Variants in BCL2 observed in about 807,000 individuals in gnomAD.
BCL2 encodes the protein apoptosis regulator Bcl-2.
A neutral mutation model predicts 14.2 loss-of-function variants in BCL2; 1 was observed. The observed-to-expected ratio is 0.07, with a 90% CI of 0.02 to 0.33. The LOEUF (loss-of-function observed/expected upper bound fraction) is 0.33, where lower values mean the gene tolerates loss of function less well. BCL2 is among the 10% of genes least tolerant of loss of function. The probability of loss-of-function intolerance (pLI) is 0.99; values close to 1 mark genes in which losing one functional copy is unlikely to be tolerated. For missense variants in BCL2, 247 were observed against 305.9 expected (o/e 0.81, Z 1.44); for synonymous variants, 151 against 137.2 (o/e 1.10, Z -0.70).
At position 63,239,069 on chromosome 18, in the gene BCL2, A is replaced by T. The variant is rs78237788; in HGVS notation, c.585+79013T>A. 6.9e-3 allele frequency among the ~76,000 whole-genome samples: 1,057 copies of T among 152,268 alleles called. 15 individuals carry two copies. Among genetic ancestry groups the T allele is most frequent in the African/African-American group, 0.024 (1,008 of 41,546 alleles). ...CTTCCTATAACATTTAAATTACCTG[A>T]TTGGGGGTCCAATATTATGTTCCTT... On this transcript the variant is annotated intron_variant, in intron 2 of 2. Coordinates refer to ENST00000333681, the MANE Select transcript of BCL2 (RefSeq NM_000633.3).
chr18:63,161,021 G>T (rs1914908147), intron 2 of BCL2, among the ~76,000 whole-genome samples: 1 of 152,132 alleles, frequency 6.6e-6, no homozygotes, highest in African/African-American at 2.4e-5. Context: ...AAAACATTAT[G>T]CAGGAAGGAG....
At chr18:63,146,260 G>A (rs4987819) in intron 2 of BCL2, among the ~76,000 whole-genome samples, 7 of 152,180 alleles carry the variant, frequency 4.6e-5, no homozygotes, top group African/African-American at 7.2e-5. Context: ...AGTGTTGGCC[G>A]AGTGAAACAA....
At chr18:63,273,595 C>T (rs1239656329) in intron 2 of BCL2, among the ~76,000 whole-genome samples, 1 of 152,156 alleles carries the variant, frequency 6.6e-6, no homozygotes, top group African/African-American at 2.4e-5. Context: ...GCTGTACAAC[C>T]CTTGGCAGTC....
chr18:63,198,669 CAA>C (rs1323311917), intron 2 of BCL2, among the ~76,000 whole-genome samples: 13 of 138,792 alleles, frequency 9.4e-5, no homozygotes, highest in Non-Finnish European at 1.8e-4. Flanking sequence ...CACACAGACA[CAA>C]AGACACAACA....
chr18:63,174,377 TG>T, intron 2 of BCL2, among the ~76,000 whole-genome samples: 1 of 152,122 alleles, frequency 6.6e-6, no homozygotes, highest in Middle Eastern at 3.4e-3. Context: ...CTTTTATTGT[TG>T]TTTTTTTTTT....
intron 2 of BCL2, among the ~76,000 whole-genome samples, chr18:63,270,265 A>G (rs1275870660): frequency 1.3e-5 from 2 of 152,230 alleles, no homozygotes; most frequent in Non-Finnish European, 2.9e-5. Context: ...AGAGATATAC[A>G]AAATAATGTG....
At chr18:63,303,986 G>A (rs1342462753) in intron 2 of BCL2, among the ~76,000 whole-genome samples, 1 of 152,006 alleles carries the variant, frequency 6.6e-6, no homozygotes, top group African/African-American at 2.4e-5. Flanking sequence ...TATTTTTAAG[G>A]TACAACACTG....
chr18:63,155,700 G>A (rs967121571), intron 2 of BCL2, among the ~76,000 whole-genome samples: 13 of 152,242 alleles, frequency 8.5e-5, no homozygotes, highest in African/African-American at 3.1e-4. Flanking sequence ...GCGACCAGGA[G>A]CAGGTGGTGG....
chr18:63,298,692 C>G (rs540946946), intron 2 of BCL2, among the ~76,000 whole-genome samples: 1 of 152,296 alleles, frequency 6.6e-6, no homozygotes, highest in African/African-American at 2.4e-5. Flanking sequence ...GACTATTCCC[C>G]AGAGAAATTC....
At chr18:63,155,749 C>T (rs1914763695) in intron 2 of BCL2, among the ~76,000 whole-genome samples, 1 of 152,170 alleles carries the variant, frequency 6.6e-6, no homozygotes, top group East Asian at 1.9e-4. Context: ...GGCCAGATGC[C>T]AGGCACTCTG....
At chr18:63,272,967 A>G (rs1300655587) in intron 2 of BCL2, among the ~76,000 whole-genome samples, 2 of 150,240 alleles carry the variant, frequency 1.3e-5, no homozygotes, top group Non-Finnish European at 3.0e-5. Context: ...GTCCATTCAC[A>G]TTATAGCTTG....
chr18:63,126,970 T>A lies in BCL2; in HGVS notation c.*1655A>T, dbSNP rs1035706854. The A allele has an allele frequency of 3.7e-4, 84 of 226,394 alleles. 1 individual carries two copies. The highest frequency in any genetic ancestry group is 9.7e-5 in the Non-Finnish European group (11 of 113,666). 14.0% of individuals were successfully genotyped at this position (226,394 alleles called of 1,614,324 possible). On this transcript the variant is annotated 3_prime_UTR_variant, in exon 3 of 3. Coordinates refer to ENST00000333681, the MANE Select transcript of BCL2 (RefSeq NM_000633.3). ...GATTCTAAACTGGAAGAAAAAAAAA[T>A]TTCCTAGTTTATTTGCTGAAGATGT...
intron 2 of BCL2, among the ~76,000 whole-genome samples, chr18:63,278,486 CA>C: frequency 6.6e-6 from 1 of 152,232 alleles, no homozygotes; most frequent in Non-Finnish European, 1.5e-5. Context: ...TATCTGTCCT[CA>C]CCCCTAACTC....
chr18:63,245,296 C>T (rs981128428), intron 2 of BCL2, among the ~76,000 whole-genome samples: 8 of 152,178 alleles, frequency 5.3e-5, no homozygotes, highest in African/African-American at 1.9e-4. Context: ...TTATTCAAAC[C>T]TGTGTTTTTT....
chr18:63,256,632 G>A (rs907415612), intron 2 of BCL2, among the ~76,000 whole-genome samples: 1 of 152,170 alleles, frequency 6.6e-6, no homozygotes, highest in East Asian at 1.9e-4. Flanking sequence ...AGCACATGTT[G>A]GGCAAGAATT....
At chr18:63,185,374 G>A (rs1915570039) in intron 2 of BCL2, among the ~76,000 whole-genome samples, 1 of 152,256 alleles carries the variant, frequency 6.6e-6, no homozygotes, top group African/African-American at 2.4e-5. Context: ...GGCTAGGTGA[G>A]TGGGGTAGGA....
chr18:63,126,511 C>A lies in BCL2; in HGVS notation c.*2114G>T, dbSNP rs1461717176. The A allele has an allele frequency of 1.7e-5, 4 of 228,700 alleles. No homozygotes were observed. The highest frequency in any genetic ancestry group is 3.6e-4 in the South Asian group (2 of 5,484). 14.2% of individuals were successfully genotyped at this position (228,700 alleles called of 1,614,324 possible). On this transcript the variant is annotated 3_prime_UTR_variant, in exon 3 of 3. Transcript: ENST00000333681. ...TACCATGAATTAAATGCGGAATTGCCCAGGGACGAGGAAACCTTCAAGAAA... is the reference window on the plus strand; with the variant it reads ...TACCATGAATTAAATGCGGAATTGCACAGGGACGAGGAAACCTTCAAGAAA...
At chr18:63,209,663 G>C (rs950128028) in intron 2 of BCL2, among the ~76,000 whole-genome samples, 8 of 152,186 alleles carry the variant, frequency 5.3e-5, no homozygotes. Context: ...CAGGCCTGGA[G>C]ATATGGGTTT....
At chr18:63,305,059 C>T (rs951123087) in intron 2 of BCL2, among the ~76,000 whole-genome samples, 1 of 152,164 alleles carries the variant, frequency 6.6e-6, no homozygotes, top group Non-Finnish European at 1.5e-5. Context: ...TGTCCAAGCC[C>T]GCCTGGCTCA....
Sources: allele counts gnomAD v4.1 joint callset (sites outside exome capture counted in the v4.1 genomes callset), GRCh38; gene constraint gnomAD v4.1.1; transcripts MANE v1.5; gene names NCBI Gene and HGNC (gene_info 2026-07-23, HGNC 2026-07-21).